The following SNRNP27 variants were observed in gnomAD, a reference collection of about 807,000 sequenced individuals.
The protein encoded by SNRNP27 is small nuclear ribonucleoprotein U4/U6.U5 subunit 27, also known as U4/U6.U5 small nuclear ribonucleoprotein 27 kDa protein.
Under a neutral mutation model 25.1 loss-of-function variants are expected in SNRNP27, and 22 were observed. That is an observed-to-expected ratio of 0.88 (90% CI 0.63 to 1.25). The LOEUF is 1.25. Among genes scored for constraint, SNRNP27 ranks in the 50% most tolerant of loss-of-function variants. SNRNP27 has a pLI of 0.00. For missense variants in SNRNP27, 150 were observed against 202.3 expected (o/e 0.74, Z 1.57); for synonymous variants, 66 against 64.9 (o/e 1.02, Z -0.08).
intron 5 of SNRNP27, chr2:69,903,510 T>A (rs1041360222): frequency 1.1e-5 from 4 of 374,304 alleles, no homozygotes; most frequent in Non-Finnish European, 1.9e-5. Context: ...TAATTTCAAG[T>A]CTATGGGCTT....
chr2:69,901,859 G>T (rs1266926708), intron 4 of SNRNP27, among the ~76,000 whole-genome samples: 3 of 152,062 alleles, frequency 2.0e-5, no homozygotes, highest in Non-Finnish European at 4.4e-5. Flanking sequence ...AATTGCAAGG[G>T]TTGTACAAGA....
At chr2:69,901,290 C>A (rs1222104335) in intron 4 of SNRNP27, among the ~76,000 whole-genome samples, 1 of 152,066 alleles carries the variant, frequency 6.6e-6, no homozygotes, top group East Asian at 1.9e-4. Flanking sequence ...TGAATTGGGC[C>A]TTGAACAATG....
intron 4 of SNRNP27, among the ~76,000 whole-genome samples, 186 bp from the exon 5 acceptor site, chr2:69,902,995 T>G (rs1676735455): frequency 7.2e-6 from 1 of 138,390 alleles, no homozygotes; most frequent in Non-Finnish European, 1.5e-5. Context: ...CAGGCTGGAG[T>G]GCATTGGTGT....
At chr2:69,903,885 G>A (rs1167701329) in intron 5 of SNRNP27, among the ~76,000 whole-genome samples, 3 of 152,034 alleles carry the variant, frequency 2.0e-5, no homozygotes, top group African/African-American at 7.2e-5. Context: ...ATTACAGTGT[G>A]CAATTGAATT....
In SNRNP27 at chr2:69,903,067, C is replaced by T. The variant is rs749688029; in HGVS notation, c.349-114C>T. 109 of 832,616 alleles carry T rather than the reference C, an allele frequency of 1.3e-4. 1 individual carries two copies. Among genetic ancestry groups the T allele is most frequent in the Non-Finnish European group, 2.0e-4 (99 of 488,200 alleles). The allele number at this position is 832,616 out of a possible 1,614,324, so 51.6% of individuals were successfully genotyped here. A position where few individuals can be genotyped will look rare whatever the true frequency, so the allele number is the denominator to read the frequency against. ...AAGCAATCCTCCCACCTTAGCCTTC[C>T]GCCAAGTAGCTGGGAGTACAGGTAC... On this transcript the variant is annotated intron_variant, in intron 4 of 5. Coordinates refer to ENST00000244227, the MANE Select transcript of SNRNP27 (RefSeq NM_006857.3).
rs752687200 is a variant in SNRNP27 at position 69,904,330 on chromosome 2, AT to A, written c.*30del. 1.9e-5 allele frequency: 31 copies of A among 1,597,888 alleles called. No individual in the cohort carries two copies. The highest frequency in any genetic ancestry group is 1.1e-4 in the East Asian group (5 of 44,624). On this transcript the variant is annotated 3_prime_UTR_variant, in exon 6 of 6. Coordinates refer to ENST00000244227, the MANE Select transcript of SNRNP27 (RefSeq NM_006857.3). ...ATGAGAATTGAAGTGTTGAAGGATG[AT>A]TTTTTTTCCCCTCATCTTGGTCAGA...
At chr2:69,897,683 C>A in intron 4 of SNRNP27, 1 of 463,138 alleles carries the variant, frequency 2.2e-6, no homozygotes, top group Non-Finnish European at 3.9e-6. Flanking sequence ...TAGAAGTGAT[C>A]AGACAAAGAA....
In SNRNP27 at chr2:69,894,019, G is replaced by T; in HGVS notation, c.34+1G>T. The T allele has an allele frequency of 6.2e-7, 1 of 1,613,748 alleles. No homozygotes were observed. Among genetic ancestry groups the T allele is most frequent in the South Asian group, 1.1e-5 (1 of 91,064 alleles). The stretch of plus-strand genomic sequence containing the variant: ...AGTCGCAGCCGCTCTCCACGGAGGG[G>T]TGAGTCCTGTAGCAATTCGGAGGAT... On this transcript the variant is annotated splice_donor_variant, in intron 1 of 5. Coordinates refer to ENST00000244227, the MANE Select transcript of SNRNP27 (RefSeq NM_006857.3). LOFTEE classifies it high-confidence loss of function.
At chr2:69,903,311 G>A (rs1287820092) in intron 5 of SNRNP27, 66 bp downstream of exon 5, 5 of 1,107,046 alleles carry the variant, frequency 4.5e-6, no homozygotes, top group Middle Eastern at 2.0e-4. Flanking sequence ...ACTTTATTAT[G>A]AGATAATCAT....
chr2:69,899,151 A>C (rs989372135), intron 4 of SNRNP27, among the ~76,000 whole-genome samples: 1 of 152,240 alleles, frequency 6.6e-6, no homozygotes, highest in African/African-American at 2.4e-5. Context: ...AGGAAAACTT[A>C]GGTGAAAAGT....
chr2:69,896,477 G>A lies in SNRNP27; in HGVS notation c.197G>A (p.Arg66Gln), dbSNP rs766002082. Residue 66 changes from arginine to glutamine, a missense_variant, in exon 3 of 6, where the codon CGA becomes CAA. Physicochemically the swap from Arg to Gln is conservative, Grantham distance 43. Around this residue, in one of 2 missense-constraint regions of SNRNP27, gnomAD observed 142 missense variants for 168.6 expected, o/e 0.84. Coordinates refer to ENST00000244227, the MANE Select transcript of SNRNP27 (RefSeq NM_006857.3). ...AGATCCACATCTCCTTCCCCTTCTC[G>A]ACTGAAAGAAAGAAGAGATGAGGAA... Reference protein sequence around the residue: ...RHRSTSPSPSRLKERRDEEKK... With the variant: ...RHRSTSPSPSQLKERRDEEKK... The A allele has an allele frequency of 1.4e-5, 22 of 1,610,996 alleles. No homozygotes were observed. The highest frequency in any genetic ancestry group is 5.4e-5 in the African/African-American group (4 of 74,642).
chr2:69,903,389 C>T lies in SNRNP27; in HGVS notation c.413+144C>T. 4 of 663,706 alleles carry T rather than the reference C, an allele frequency of 6.0e-6. No homozygotes were observed. The South Asian group carries it at 7.5e-5, about 13-fold the overall frequency. 41.1% of individuals were successfully genotyped at this position (663,706 alleles called of 1,614,324 possible). On this transcript the variant is annotated intron_variant, in intron 5 of 5. Transcript: ENST00000244227. ...GAATGAAATATTCATTGCTTATATT[C>T]TGGTGTGTTAAAATTGTTTTCCCAT... is the stretch of plus-strand genomic sequence containing the variant.
At chr2:69,897,500 G>T in intron 4 of SNRNP27, 44 bp downstream of exon 4, 2 of 1,342,856 alleles carry the variant, frequency 1.5e-6, no homozygotes, top group South Asian at 2.4e-5. Context: ...AATATGTTAT[G>T]ACTGTCCTAT....
chr2:69,899,036 T>C (rs1676648724), intron 4 of SNRNP27, among the ~76,000 whole-genome samples: 2 of 152,216 alleles, frequency 1.3e-5, no homozygotes, highest in Admixed American at 1.3e-4. Context: ...TGTTTTTTGG[T>C]TTTCCTGTTG....
intron 1 of SNRNP27, 128 bp from the exon 2 acceptor site, chr2:69,894,966 C>T: frequency 7.4e-7 from 1 of 1,345,104 alleles, no homozygotes. Flanking sequence ...GCGTGAGCCA[C>T]CGCTCCCAGC....
chr2:69,903,063 C>T (rs538206795), intron 4 of SNRNP27, 118 bp from the exon 5 acceptor site: 2 of 800,916 alleles, frequency 2.5e-6, no homozygotes, highest in East Asian at 5.1e-5. Context: ...CCACCTTAGC[C>T]TTCCGCCAAG....
At chr2:69,898,456 G>A (rs1676639099) in intron 4 of SNRNP27, among the ~76,000 whole-genome samples, 1 of 151,922 alleles carries the variant, frequency 6.6e-6, no homozygotes, top group Non-Finnish European at 1.5e-5. Context: ...TGGAGAGAGG[G>A]AGGGTGTGTG....
In SNRNP27 at chr2:69,904,306, TGA is replaced by T. The variant is rs767523706; in HGVS notation, c.*1_*2del. On this transcript the variant is annotated frameshift_variant and stop_lost, in exon 6 of 6. Transcript: ENST00000244227. LOFTEE classifies it high-confidence loss of function. ...CAACAGACCTTTGGATTTCATTGCA[TGA>T]GAATTGAAGTGTTGAAGGATGATTT... ...GFNRPLDFIA[*>X] 11 of 1,608,192 alleles carry T rather than the reference TGA, an allele frequency of 6.8e-6. No homozygotes were observed. Among genetic ancestry groups the T allele is most frequent in the Non-Finnish European group, 9.4e-6 (11 of 1,175,698 alleles).
rs761062237 is a variant in SNRNP27 at position 69,894,655 on chromosome 2, CCT to C, written c.35-438_35-437del. ...TCTAACTTAGACCCTCGGTTCTGCC[CCT>C]GATTCGTTTTTTTTTTAAATCAATT... On this transcript the variant is annotated intron_variant, in intron 1 of 5. Transcript: ENST00000244227. 1.4e-4 allele frequency among the ~76,000 whole-genome samples: 21 copies of C among 151,996 alleles called. 1 individual carries two copies. The highest frequency in any genetic ancestry group is 4.2e-4 in the South Asian group (2 of 4,808).
Sources: allele counts gnomAD v4.1 joint callset (sites outside exome capture counted in the v4.1 genomes callset), GRCh38; gene constraint gnomAD v4.1.1; regional missense constraint gnomAD v4.1.1; transcripts MANE v1.5; gene names NCBI Gene and HGNC (gene_info 2026-07-23, HGNC 2026-07-21).